DPT: variants seen among roughly 807,000 people sequenced by gnomAD.
DPT encodes dermatopontin.
DPT carries 21 observed loss-of-function variants against 31.2 expected under a neutral mutation model. That is an observed-to-expected ratio of 0.67 (90% CI 0.48 to 0.97). DPT has a LOEUF of 0.97. DPT is among the 50% of genes least tolerant of loss of function. The pLI is 0.00. For synonymous variants in DPT, 91 were observed against 86.9 expected, an observed-to-expected ratio of 1.05 and a Z score of -0.26; for missense variants, 262 against 258.8, an observed-to-expected ratio of 1.01 and a Z score of -0.08.
intron 2 of DPT, among the ~76,000 whole-genome samples, chr1:168,706,087 T>C (rs1649712051): frequency 6.6e-6 from 1 of 152,232 alleles, no homozygotes; most frequent in Admixed American, 6.5e-5. Context: ...AATGGACTAA[T>C]ACATCAGCAC....
intron 2 of DPT, among the ~76,000 whole-genome samples, chr1:168,712,297 TC>T (rs979070085): frequency 2.0e-5 from 3 of 151,978 alleles, no homozygotes; most frequent in Non-Finnish European, 4.4e-5. Flanking sequence ...ATGTTCCCCT[TC>T]CTCCCCACTG....
intron 1 of DPT, among the ~76,000 whole-genome samples, chr1:168,721,363 A>G (rs1557851143): frequency 6.6e-6 from 1 of 152,232 alleles, no homozygotes; most frequent in Non-Finnish European, 1.5e-5. Flanking sequence ...AAGAGATGCT[A>G]TATATCAAGT....
At chr1:168,702,612 C>CTTTT (rs10656421) in intron 2 of DPT, among the ~76,000 whole-genome samples, 24,465 of 131,974 alleles carry the variant, frequency 0.19, 2,807 homozygotes, top group East Asian at 0.48. Flanking sequence ...AGGTAAATGT[C>CTTTT]TTTTTTTTTT....
chr1:168,696,682 G>A, intron 3 of DPT, 67 bp from the exon 4 acceptor site: 2 of 1,380,746 alleles, frequency 1.4e-6, no homozygotes, highest in South Asian at 2.4e-5. Flanking sequence ...ATCGCTGCTG[G>A]GGAAACAGCA....
intron 1 of DPT, among the ~76,000 whole-genome samples, chr1:168,715,743 T>C (rs1649968194): frequency 6.6e-6 from 1 of 152,236 alleles, no homozygotes; most frequent in African/African-American, 2.4e-5. Flanking sequence ...TGGTGAGCCA[T>C]GGCCCTTTGA....
chr1:168,706,860 A>G (rs1649728693), intron 2 of DPT, among the ~76,000 whole-genome samples: 1 of 152,204 alleles, frequency 6.6e-6, no homozygotes, highest in Non-Finnish European at 1.5e-5. Context: ...GTCAGTAAGC[A>G]CATTCACTTT....
In DPT at chr1:168,696,331, A is replaced by C. The variant is rs1649465601; in HGVS notation, c.*218T>G. On this transcript the variant is annotated 3_prime_UTR_variant, in exon 4 of 4. Transcript: ENST00000367817. ...AGTCATATAAAGCAGTTGCTATGAA[A>C]CATGTGAAAAGTGAGAAACATGGTT... The C allele has an allele frequency of 1.7e-6, 1 of 581,074 alleles. No individual in the cohort carries two copies. The highest frequency in any genetic ancestry group is 2.3e-5 in the South Asian group (1 of 43,662). 36.0% of individuals were successfully genotyped at this position (581,074 alleles called of 1,614,324 possible).
chr1:168,726,879 A>G (rs1056704597), intron 1 of DPT, among the ~76,000 whole-genome samples: 2 of 152,254 alleles, frequency 1.3e-5, no homozygotes, highest in Admixed American at 1.3e-4. Context: ...TGCTCACCAG[A>G]GGCCATGGGG....
chr1:168,712,978 G>A (rs1649900383), intron 2 of DPT, among the ~76,000 whole-genome samples: 1 of 152,104 alleles, frequency 6.6e-6, no homozygotes, highest in Non-Finnish European at 1.5e-5. Flanking sequence ...ATGTGCTTGA[G>A]CCTGCAGAGT....
At chr1:168,712,294 C>A (rs556190703) in intron 2 of DPT, among the ~76,000 whole-genome samples, 1 of 152,240 alleles carries the variant, frequency 6.6e-6, no homozygotes, top group African/African-American at 2.4e-5. Flanking sequence ...TCCATGTTCC[C>A]CTTCCTCCCC....
chr1:168,698,402 T>A (rs568265345), intron 3 of DPT, among the ~76,000 whole-genome samples: 5 of 152,336 alleles, frequency 3.3e-5, no homozygotes, highest in African/African-American at 1.2e-4. Flanking sequence ...GTTTACCAAA[T>A]GTCTGTAATT....
chr1:168,716,683 G>C (rs535667597), intron 1 of DPT, among the ~76,000 whole-genome samples: 27 of 152,150 alleles, frequency 1.8e-4, no homozygotes, highest in Non-Finnish European at 3.4e-4. Flanking sequence ...TTAGCTATTT[G>C]TCCTAATGCT....
chr1:168,701,491 A>G (rs967368927), intron 2 of DPT, among the ~76,000 whole-genome samples: 1 of 152,250 alleles, frequency 6.6e-6, no homozygotes, highest in Non-Finnish European at 1.5e-5. Context: ...TTAGTTGATA[A>G]CAAAATCAAT....
intron 1 of DPT, among the ~76,000 whole-genome samples, chr1:168,723,423 C>T (rs1405558735): frequency 1.3e-5 from 2 of 152,128 alleles, no homozygotes; most frequent in Non-Finnish European, 2.9e-5. Flanking sequence ...TTCCTGGGGC[C>T]TGGGAAAGTT....
At chr1:168,698,881 G>A (rs1649524157) in intron 3 of DPT, among the ~76,000 whole-genome samples, 2 of 152,168 alleles carry the variant, frequency 1.3e-5, no homozygotes, top group African/African-American at 4.8e-5. Context: ...TTCAGCAGAG[G>A]AGAAGAAACC....
intron 2 of DPT, among the ~76,000 whole-genome samples, chr1:168,713,238 G>T (rs1345833655): frequency 6.6e-6 from 1 of 152,168 alleles, no homozygotes; most frequent in East Asian, 1.9e-4. Context: ...AACTAGAGGA[G>T]GTTTCTGCTC....
At chr1:168,699,231 A>T (rs964611409) in intron 3 of DPT, among the ~76,000 whole-genome samples, 2 of 152,172 alleles carry the variant, frequency 1.3e-5, no homozygotes, top group African/African-American at 4.8e-5. Flanking sequence ...TGGAGCATTG[A>T]GCACCCCTGT....
At chr1:168,701,289 C>G (rs1181673771) in intron 2 of DPT, among the ~76,000 whole-genome samples, 165 bp from the exon 3 acceptor site, 2 of 152,130 alleles carry the variant, frequency 1.3e-5, no homozygotes, top group Non-Finnish European at 2.9e-5. Context: ...AAGAAACAGA[C>G]AGCTCTCCTC....
intron 3 of DPT, 107 bp from the exon 4 acceptor site, chr1:168,696,722 G>A (rs1302281766): frequency 1.0e-5 from 10 of 992,072 alleles, no homozygotes; most frequent in African/African-American, 1.6e-5. Flanking sequence ...TCTGGGAACT[G>A]AAGGGACACT....
Sources: allele counts gnomAD v4.1 joint callset (sites outside exome capture counted in the v4.1 genomes callset), GRCh38; gene constraint gnomAD v4.1.1; transcripts MANE v1.5; gene names NCBI Gene and HGNC (gene_info 2026-07-23, HGNC 2026-07-21).